NCAPG: variants seen among roughly 807,000 people sequenced by gnomAD.
NCAPG encodes condensin complex subunit 3.
In NCAPG, 69 loss-of-function variants were observed where a neutral mutation model predicts 113.1. That is an observed-to-expected ratio of 0.61 (90% CI 0.50 to 0.75). The LOEUF is 0.75. Among genes scored for constraint, NCAPG ranks in the 30% least tolerant of loss-of-function variants. The pLI, the probability that NCAPG is intolerant of heterozygous loss-of-function variation, is 0.00. For missense variants in NCAPG, 1,058 were observed against 1,177.0 expected, an observed-to-expected ratio of 0.90 and a Z score of 1.48; for synonymous variants, 370 against 415.8, an observed-to-expected ratio of 0.89 and a Z score of 1.34.
At chr4:17,820,863 C>T (rs1560224755) in intron 7 of NCAPG, among the ~76,000 whole-genome samples, 1 of 152,104 alleles carries the variant, frequency 6.6e-6, no homozygotes, top group Non-Finnish European at 1.5e-5. Flanking sequence ...AAGGTGCTCA[C>T]TTAAAGAGCA....
intron 14 of NCAPG, among the ~76,000 whole-genome samples, chr4:17,835,784 G>GT (rs1188112839): frequency 6.6e-6 from 1 of 152,074 alleles, no homozygotes; most frequent in East Asian, 1.9e-4. Flanking sequence ...CATCCACATG[G>GT]TATCTTGTAT....
At chr4:17,823,810 C>T (rs765757148) in intron 9 of NCAPG, 40 bp downstream of exon 9, 1 of 1,528,338 alleles carries the variant, frequency 6.5e-7, no homozygotes, top group South Asian at 1.2e-5. Context: ...AGGTTTTGGT[C>T]AATGACATTG....
intron 2 of NCAPG, 152 bp downstream of exon 2, chr4:17,812,576 CATT>C (rs1288822292): frequency 4.6e-6 from 3 of 658,422 alleles, no homozygotes; most frequent in East Asian, 2.8e-5. Flanking sequence ...TTAGAATTAT[CATT>C]ATGATTAAAA....
intron 16 of NCAPG, among the ~76,000 whole-genome samples, chr4:17,839,406 AC>A (rs1434773321): frequency 6.6e-6 from 1 of 152,130 alleles, no homozygotes; most frequent in African/African-American, 2.4e-5. Context: ...GCAGCTGGGA[AC>A]TTTTACCCTC....
At chr4:17,835,840 A>ATAT (rs1432196866) in intron 14 of NCAPG, among the ~76,000 whole-genome samples, 1 of 152,212 alleles carries the variant, frequency 6.6e-6, no homozygotes, top group Non-Finnish European at 1.5e-5. Context: ...TTTTATGTAT[A>ATAT]TATGGTGATT....
At chr4:17,815,712 C>T (rs371217476) in intron 5 of NCAPG, among the ~76,000 whole-genome samples, 3 of 152,056 alleles carry the variant, frequency 2.0e-5, no homozygotes, top group East Asian at 1.9e-4. Context: ...TTTATAGAGA[C>T]GGGGTTTCAC....
chr4:17,842,478 T>A (rs1722507888), intron 20 of NCAPG, 99 bp downstream of exon 20: 3 of 925,432 alleles, frequency 3.2e-6, no homozygotes, highest in African/African-American at 1.7e-5. Flanking sequence ...AGAGAATATA[T>A]AACAAGATAG....
chr4:17,818,195 C>CT lies in NCAPG; in HGVS notation c.1118+114dup, dbSNP rs1054449768. 5.6e-6 allele frequency: 7 copies of CT among 1,248,356 alleles called. No individual in the cohort carries two copies. The Admixed American group carries it at 1.5e-4, about 26-fold the overall frequency. The allele number at this position is 1,248,356 out of a possible 1,614,324, so 77.3% of individuals were successfully genotyped here. ...TTTGATTGTGAATATGTTAAAAATC[C>CT]TTTTTTTGTACATGTAGGGATAGTT... On this transcript the variant is annotated intron_variant, in intron 7 of 20. Transcript: ENST00000251496.
intron 16 of NCAPG, 27 bp from the exon 17 acceptor site, chr4:17,839,649 A>G: frequency 1.4e-6 from 2 of 1,426,630 alleles, no homozygotes; most frequent in Non-Finnish European, 1.9e-6. Flanking sequence ...TCTTCAATTT[A>G]CAGAGAATTT....
intron 14 of NCAPG, among the ~76,000 whole-genome samples, chr4:17,836,550 A>T (rs1289269964): frequency 6.6e-6 from 1 of 151,982 alleles, no homozygotes; most frequent in African/African-American, 2.4e-5. Context: ...TTCTTCTGAG[A>T]GTTTTCTGGC....
At chr4:17,823,612 A>T in intron 8 of NCAPG, 35 bp from the exon 9 acceptor site, 3 of 1,574,030 alleles carry the variant, frequency 1.9e-6, no homozygotes, top group Non-Finnish European at 2.6e-6. Flanking sequence ...ATGTTTTGTC[A>T]TAATAATATT....
chr4:17,832,439 G>T (rs558350087), intron 13 of NCAPG, among the ~76,000 whole-genome samples: 1 of 152,194 alleles, frequency 6.6e-6, no homozygotes, highest in Admixed American at 6.5e-5. Flanking sequence ...ATTTGCGCCA[G>T]AATAACTGGA....
rs1249666311 is a variant in NCAPG at position 17,817,391 on chromosome 4, T to C, written c.906T>C (p.Asn302=). ...CTGAAGTGGCAGTCTCTGTTCTCAATGCCTTGTTTTCAATAACTCCTCTCA... is the reference window on the plus strand; with the variant it reads ...CTGAAGTGGCAGTCTCTGTTCTCAACGCCTTGTTTTCAATAACTCCTCTCA... The part of the protein sequence containing the change: ...NSSEVAVSVL[N]ALFSITPLSE... The change falls in exon 6 of 21, where the codon AAT becomes AAC. Residue 302 remains asparagine, a synonymous_variant. Transcript: ENST00000251496. 1 of 1,614,158 alleles carries C rather than the reference T, an allele frequency of 6.2e-7. No individual in the cohort carries two copies.
At chr4:17,843,214 T>C in intron 20 of NCAPG, 88 bp from the exon 21 acceptor site, 1 of 1,408,066 alleles carries the variant, frequency 7.1e-7, no homozygotes. Flanking sequence ...ACTGATAGAA[T>C]GTGAGTCAGA....
intron 17 of NCAPG, 79 bp downstream of exon 17, chr4:17,839,916 A>G: frequency 6.8e-7 from 1 of 1,464,564 alleles, no homozygotes; most frequent in South Asian, 1.3e-5. Context: ...GTATTAGATT[A>G]TACATATGTT....
At chr4:17,837,884 T>G in intron 16 of NCAPG, 83 bp downstream of exon 16, 1 of 1,478,108 alleles carries the variant, frequency 6.8e-7, no homozygotes, top group Non-Finnish European at 9.4e-7. Context: ...ACTGAGGAAC[T>G]GCATTTTGGT....
intron 9 of NCAPG, 67 bp from the exon 10 acceptor site, chr4:17,824,901 T>G: frequency 8.9e-7 from 1 of 1,120,994 alleles, no homozygotes. Context: ...TGGAGTTTTA[T>G]ATAGAATTTT....
In NCAPG at chr4:17,840,693, G is replaced by T; in HGVS notation, c.2854G>T (p.Gly952Ter). The T allele has an allele frequency of 1.3e-6, 2 of 1,507,450 alleles. No homozygotes were observed. Among genetic ancestry groups the T allele is most frequent in the Non-Finnish European group, 1.8e-6 (2 of 1,129,720 alleles). 93.4% of individuals were successfully genotyped at this position (1,507,450 alleles called of 1,614,324 possible). Residue 952 changes from glycine (G) to a stop codon, truncating the protein, a stop_gained and splice_region_variant, in exon 19 of 21, where the codon GGA becomes TGA. Transcript: ENST00000251496. LOFTEE classifies it high-confidence loss of function. ...SKSTQLKTNRGQRKVTVSART... is the reference protein window; with the variant it reads ...SKSTQLKTNR ...GTCTACTCAGCTAAAGACTAACAGA[G>T]GTAGTGTGTGGATTGACCATCTTTA...
chr4:17,828,432 C>A, intron 12 of NCAPG, 44 bp downstream of exon 12: 3 of 1,114,388 alleles, frequency 2.7e-6, no homozygotes, highest in Non-Finnish European at 4.0e-6. Flanking sequence ...CCACTCCTTT[C>A]TTATTTTGTA....
Sources: allele counts gnomAD v4.1 joint callset (sites outside exome capture counted in the v4.1 genomes callset), GRCh38; gene constraint gnomAD v4.1.1; transcripts MANE v1.5; gene names NCBI Gene and HGNC (gene_info 2026-07-23, HGNC 2026-07-21).